OPCML: variants seen among roughly 807,000 people sequenced by gnomAD.
OPCML encodes the protein opioid-binding protein/cell adhesion molecule.
OPCML carries 13 observed loss-of-function variants against 37.8 expected under a neutral mutation model. The ratio of observed to expected loss-of-function variants is 0.34; its 90% confidence interval spans 0.22 to 0.55. The LOEUF (loss-of-function observed/expected upper bound fraction) is 0.55. Ranked by LOEUF, OPCML falls within the 20% of genes least tolerant of loss-of-function variation. OPCML has a pLI of 0.91. For synonymous variants in OPCML, 176 were observed against 168.8 expected, an observed-to-expected ratio of 1.04 and a Z score of -0.33; for missense variants, 341 against 435.6, an observed-to-expected ratio of 0.78 and a Z score of 1.93.
At position 133,483,972 on chromosome 11, in the gene OPCML, G is replaced by GATA. The variant is rs528414121; in HGVS notation, c.61+48291_61+48292insTAT. ...GATAGATAGACAGATTATATAGATA[G>GATA]GTAGATAGAAAGATAGCTAGCTAGC... On this transcript the variant is annotated intron_variant, in intron 1 of 7. Transcript: ENST00000524381. Among the ~76,000 whole-genome samples, 260 of 127,630 alleles carry GATA rather than the reference G, an allele frequency of 2.0e-3. 2 individuals are homozygous for GATA. Among genetic ancestry groups the GATA allele is most frequent in the African/African-American group, 9.4e-3 (237 of 25,330 alleles). The allele number at this position is 127,630 out of a possible 152,430, so 83.7% of individuals were successfully genotyped here. A position where few individuals can be genotyped will look rare whatever the true frequency, so the allele number is the denominator to read the frequency against.
intron 3 of OPCML, among the ~76,000 whole-genome samples, chr11:132,553,901 A>G (rs551458415): frequency 6.6e-6 from 1 of 152,328 alleles, no homozygotes; most frequent in East Asian, 1.9e-4. Context: ...AAATGAGAAG[A>G]GAAAAGATAT....
chr11:133,415,236 A>C (rs1016476631), intron 1 of OPCML, among the ~76,000 whole-genome samples: 6 of 151,992 alleles, frequency 3.9e-5, no homozygotes, highest in Non-Finnish European at 8.8e-5. Flanking sequence ...GGTGAAACCC[A>C]GTCTCTACAA....
intron 1 of OPCML, among the ~76,000 whole-genome samples, chr11:132,983,809 G>A (rs1475482598): frequency 6.6e-6 from 1 of 152,172 alleles, no homozygotes; most frequent in African/African-American, 2.4e-5. Flanking sequence ...GTGTTCTTCT[G>A]AGGCAAAGCC....
chr11:133,099,552 G>A (rs991756338), intron 1 of OPCML, among the ~76,000 whole-genome samples: 1 of 150,936 alleles, frequency 6.6e-6, no homozygotes, highest in Non-Finnish European at 1.5e-5. Flanking sequence ...CTCCCAAAGT[G>A]CTGGGATTAC....
rs1207571552 is a variant in OPCML, at chr11:133,177,678, C to T, written c.62-234668G>A. On this transcript the variant is annotated intron_variant, in intron 1 of 7. Transcript: ENST00000524381. This position sits in a 1 kb window ranked among gnomAD's most constrained non-coding sequence, Gnocchi z 5.0. ...AAAGGGCAAGACTTCTCAGAAGCAT[C>T]CAGTGAAATCGCAGTAACAGTGGGT... 6.6e-6 allele frequency among the ~76,000 whole-genome samples: 1 copy of T among 152,154 alleles called. No individual in the cohort carries two copies. Among genetic ancestry groups the T allele is most frequent in the African/African-American group, 2.4e-5 (1 of 41,428 alleles).
At chr11:132,767,132 C>T (rs1255458889) in intron 2 of OPCML, among the ~76,000 whole-genome samples, 7 of 152,096 alleles carry the variant, frequency 4.6e-5, no homozygotes, top group Non-Finnish European at 1.0e-4. Context: ...TTAGTGAGTG[C>T]TTTTGTACTA....
chr11:133,369,031 G>A (rs1410706451), intron 1 of OPCML, among the ~76,000 whole-genome samples: 1 of 152,156 alleles, frequency 6.6e-6, no homozygotes, highest in Non-Finnish European at 1.5e-5. Flanking sequence ...TTCATGATAG[G>A]CAGAATGCCA....
At chr11:132,702,026 A>T (rs570856512) in intron 2 of OPCML, among the ~76,000 whole-genome samples, 125 of 152,278 alleles carry the variant, frequency 8.2e-4, no homozygotes, top group African/African-American at 2.8e-3. Flanking sequence ...TTCATCAGGA[A>T]ATTATTATGG....
chr11:132,447,068 T>A (rs778466610), intron 4 of OPCML, among the ~76,000 whole-genome samples: 1 of 152,214 alleles, frequency 6.6e-6, no homozygotes, highest in Non-Finnish European at 1.5e-5. Flanking sequence ...AGATGGGCAG[T>A]ATACAAAACC....
chr11:132,689,596 T>C (rs549895274), intron 2 of OPCML, among the ~76,000 whole-genome samples: 1 of 152,342 alleles, frequency 6.6e-6, no homozygotes, highest in South Asian at 2.1e-4. Context: ...ATGTCATAAA[T>C]TGATATTTAA....
chr11:132,654,508 C>T (rs749499951), intron 3 of OPCML, among the ~76,000 whole-genome samples: 11 of 151,470 alleles, frequency 7.3e-5, no homozygotes, highest in Non-Finnish European at 1.3e-4. Context: ...AGAAGCTCTT[C>T]CCCAAGAGAA....
chr11:133,152,257 T>A (rs1949997107), intron 1 of OPCML, among the ~76,000 whole-genome samples: 1 of 152,096 alleles, frequency 6.6e-6, no homozygotes, highest in Non-Finnish European at 1.5e-5. Flanking sequence ...CCCCTACCAC[T>A]CAGCTCCCCG....
At chr11:133,116,988 T>A (rs1261018179) in intron 1 of OPCML, among the ~76,000 whole-genome samples, 4 of 152,156 alleles carry the variant, frequency 2.6e-5, no homozygotes, top group African/African-American at 4.8e-5. Flanking sequence ...TTTTTCCTTT[T>A]ATTCCATGTA....
intron 1 of OPCML, among the ~76,000 whole-genome samples, chr11:133,090,381 G>C (rs1948887846): frequency 6.6e-6 from 1 of 152,152 alleles, no homozygotes; most frequent in Non-Finnish European, 1.5e-5. Context: ...ACAGAGCATT[G>C]AGACTGATTA....
intron 3 of OPCML, among the ~76,000 whole-genome samples, chr11:132,567,080 A>G (rs1282508024): frequency 6.6e-6 from 1 of 152,114 alleles, no homozygotes; most frequent in Non-Finnish European, 1.5e-5. Context: ...GCAGAAACAG[A>G]GTGGCCTCAA....
intron 2 of OPCML, among the ~76,000 whole-genome samples, chr11:132,688,433 C>T (rs1943256444): frequency 1.3e-5 from 2 of 152,124 alleles, no homozygotes; most frequent in Admixed American, 1.3e-4. Flanking sequence ...AATCAAAGAG[C>T]TTTCCTGGGC....
chr11:133,152,878 T>G lies in OPCML; in HGVS notation c.62-209868A>C, dbSNP rs1306384111. 2.8e-5 allele frequency among the ~76,000 whole-genome samples: 4 copies of G among 142,920 alleles called. No individual in the cohort carries two copies. The East Asian group carries it at 7.7e-4, about 28-fold the overall frequency. 93.8% of individuals were successfully genotyped at this position (142,920 alleles called of 152,430 possible). A position where few individuals can be genotyped will look rare whatever the true frequency, so the allele number is the denominator to read the frequency against. On this transcript the variant is annotated intron_variant, in intron 1 of 7. Transcript: ENST00000524381. ...AAAGGGTTGAAGTCAGGTTATCCTT[T>G]TTTTTTTTTTATCATCATTTTGCTA...
intron 4 of OPCML, among the ~76,000 whole-genome samples, chr11:132,448,211 TC>T (rs2096060281): frequency 6.6e-6 from 1 of 152,188 alleles, no homozygotes; most frequent in Non-Finnish European, 1.5e-5. Context: ...TTACTTCCTC[TC>T]TTTCTTTCCT....
chr11:133,475,611 T>C (rs1947223205), intron 1 of OPCML, among the ~76,000 whole-genome samples: 1 of 152,230 alleles, frequency 6.6e-6, no homozygotes, highest in Non-Finnish European at 1.5e-5. Flanking sequence ...AGGAACAATC[T>C]CTTTCCTTCA....
Sources: gnomAD v4.1 joint callset for allele counts (sites outside exome capture counted in the v4.1 genomes callset) on GRCh38, gnomAD v4.1.1 for gene constraint, Gnocchi (gnomAD v3.1) non-coding constraint, MANE v1.5 for transcripts, NCBI Gene and HGNC (gene_info 2026-07-23, HGNC 2026-07-21) for gene names.